The following XPO7 variants were observed in gnomAD, a reference collection of about 807,000 sequenced individuals.
The protein encoded by XPO7 is exportin 7, also known as exportin-7.
A neutral mutation model predicts 144.3 loss-of-function variants in XPO7; 21 were observed. The ratio of observed to expected loss-of-function variants is 0.15; its 90% confidence interval spans 0.10 to 0.21. The LOEUF is 0.21. XPO7 is among the 10% of genes least tolerant of loss of function. The pLI is 1.00. For synonymous variants in XPO7, 580 were observed against 499.6 expected (o/e 1.16, Z -2.15); for missense variants, 808 against 1,325.8 (o/e 0.61, Z 6.06).
At chr8:21,956,808 T>G (rs550350931) in intron 1 of XPO7, among the ~76,000 whole-genome samples, 1 of 152,270 alleles carries the variant, frequency 6.6e-6, no homozygotes, top group South Asian at 2.1e-4. Flanking sequence ...GTTTTCATCT[T>G]TTGTTTTTTG....
chr8:21,996,459 G>T (rs919955932), intron 21 of XPO7, among the ~76,000 whole-genome samples: 17 of 152,188 alleles, frequency 1.1e-4, no homozygotes, highest in Non-Finnish European at 1.2e-4. Flanking sequence ...ACTCTTAGGA[G>T]AAGTAAATTT....
At chr8:21,969,893 C>G (rs1051352890) in intron 3 of XPO7, 3 of 544,930 alleles carry the variant, frequency 5.5e-6, no homozygotes, top group South Asian at 2.6e-5. Context: ...CTTTAGCTAC[C>G]TAGGGATAGA....
At chr8:21,981,903 C>G in intron 10 of XPO7, 26 bp downstream of exon 10, 1 of 1,609,234 alleles carries the variant, frequency 6.2e-7, no homozygotes, top group Non-Finnish European at 8.5e-7. Context: ...CTTGTGTCTT[C>G]CTTCCTAAAT....
chr8:21,957,776 C>A (rs542073831), intron 1 of XPO7, among the ~76,000 whole-genome samples: 1 of 152,312 alleles, frequency 6.6e-6, no homozygotes, highest in East Asian at 1.9e-4. Flanking sequence ...CCAGTCCATG[C>A]ACTGTGCTCA....
chr8:21,957,909 C>G (rs1292209094), intron 1 of XPO7, among the ~76,000 whole-genome samples: 1 of 151,868 alleles, frequency 6.6e-6, no homozygotes, highest in Admixed American at 6.6e-5. Flanking sequence ...ATGTTTCTTG[C>G]AGTTTTGTGC....
In XPO7 at chr8:22,005,895, A is replaced by T. The variant is rs185027251; in HGVS notation, c.*807A>T. On this transcript the variant is annotated 3_prime_UTR_variant, in exon 28 of 28. Transcript: ENST00000252512. ...TTTGCTTACCCTCATCCTCAGACAG[A>T]TGCCTCTTGCTTTTAAAAGTTGGAT... The T allele has an allele frequency of 8.2e-4, 125 of 152,286 alleles. No individual in the cohort carries two copies. Among genetic ancestry groups the T allele is most frequent in the African/African-American group, 2.8e-3 (117 of 41,526 alleles). The allele number at this position is 152,286 out of a possible 1,614,324, so 9.4% of individuals were successfully genotyped here. A position where few individuals can be genotyped will look rare whatever the true frequency, so the allele number is the denominator to read the frequency against.
At chr8:22,001,698 A>G (rs1279236811) in intron 24 of XPO7, among the ~76,000 whole-genome samples, 1 of 152,194 alleles carries the variant, frequency 6.6e-6, no homozygotes, top group Non-Finnish European at 1.5e-5. Context: ...AGGCCGATAC[A>G]TAACCTCTCC....
rs955929122 is a variant in XPO7 at position 21,919,731 on chromosome 8, G to C, written c.-40G>C. 7.8e-5 allele frequency: 30 copies of C among 383,936 alleles called. No homozygotes were observed. The highest frequency in any genetic ancestry group is 2.6e-4 in the East Asian group (2 of 7,752). 23.8% of individuals were successfully genotyped at this position (383,936 alleles called of 1,614,324 possible). A position where few individuals can be genotyped will look rare whatever the true frequency, so the allele number is the denominator to read the frequency against. On this transcript the variant is annotated 5_prime_UTR_variant, in exon 1 of 28. Transcript: ENST00000252512. ...GCGGCTCCGGCCGAGGTGCGCGCTG[G>C]GGGGGAGGGGGGGCCGGAGAGGAGC...
At chr8:21,928,849 G>A (rs1168965570) in intron 1 of XPO7, among the ~76,000 whole-genome samples, 1 of 152,206 alleles carries the variant, frequency 6.6e-6, no homozygotes, top group Non-Finnish European at 1.5e-5. Flanking sequence ...ATTGGAACAT[G>A]CATTCATCTA....
intron 27 of XPO7, 121 bp downstream of exon 27, chr8:22,004,151 TG>T: frequency 7.4e-7 from 1 of 1,344,270 alleles, no homozygotes; most frequent in Non-Finnish European, 1.0e-6. Context: ...AGCAATGCAA[TG>T]CAATAGAAAA....
intron 7 of XPO7, among the ~76,000 whole-genome samples, chr8:21,977,011 C>T (rs992469289): frequency 3.9e-5 from 6 of 152,142 alleles, no homozygotes; most frequent in Admixed American, 3.9e-4. Flanking sequence ...TCTCATAGAT[C>T]CCCCAGTGTC....
At chr8:21,950,150 T>G (rs1232255329) in intron 1 of XPO7, among the ~76,000 whole-genome samples, 2 of 152,372 alleles carry the variant, frequency 1.3e-5, no homozygotes, top group Admixed American at 6.5e-5. Context: ...AGGTAAACAT[T>G]TAACGTATTG....
chr8:21,990,847 T>C lies in XPO7; in HGVS notation c.1969T>C (p.Ser657Pro). The change falls in exon 18 of 28, where the codon TCC becomes CCC. Residue 657 changes from serine (S) to proline (P), a missense_variant. Ser to Pro is a moderately conservative substitution (Grantham distance 74, BLOSUM62 -1). This residue lies in a region of XPO7 where 416 missense variants were observed against 612.5 expected (regional missense o/e 0.68). Coordinates refer to ENST00000252512, the MANE Select transcript of XPO7 (RefSeq NM_015024.5). The stretch of plus-strand genomic sequence containing the variant: ...TTCATTTTTGGGTATTAACAATCAG[T>C]CCAACCTGACAGACATGCGGTGTCG... ...HFSFLGINNQ[S>P]NLTDMRCRTT... 1.9e-6 allele frequency: 3 copies of C among 1,613,990 alleles called. No individual in the cohort carries two copies. Among genetic ancestry groups the C allele is most frequent in the Non-Finnish European group, 2.5e-6 (3 of 1,179,874 alleles).
chr8:21,949,292 G>A (rs56372765), intron 1 of XPO7, among the ~76,000 whole-genome samples: 12,152 of 152,172 alleles, frequency 0.08, 629 homozygotes, highest in Middle Eastern at 0.12. Context: ...TGGGGATTCC[G>A]TTATTGCTCT....
intron 1 of XPO7, among the ~76,000 whole-genome samples, chr8:21,944,428 G>A (rs774633263): frequency 2.0e-5 from 3 of 152,072 alleles, no homozygotes; most frequent in Non-Finnish European, 4.4e-5. Flanking sequence ...TTAGCCAGGC[G>A]TGGTGGTGCA....
intron 1 of XPO7, among the ~76,000 whole-genome samples, chr8:21,952,598 C>T (rs966601767): frequency 1.5e-4 from 23 of 152,072 alleles, no homozygotes; most frequent in Non-Finnish European, 1.3e-4. Context: ...TTTAACTAAT[C>T]GAAGGACTTT....
rs532923848 is a variant in XPO7, at chr8:21,989,231, A to G, written c.1868+148A>G. On this transcript the variant is annotated intron_variant, in intron 16 of 27. Transcript: ENST00000252512. ...TTCCTAGGAGTCCAAAAAAACGCCA[A>G]TGCCCATGCAGAATATAGGAATAAT... The G allele has an allele frequency of 1.3e-3, 956 of 740,854 alleles. 2 individuals carry two copies. The highest frequency in any genetic ancestry group is 1.8e-3 in the Non-Finnish European group (836 of 461,820). 45.9% of individuals were successfully genotyped at this position (740,854 alleles called of 1,614,324 possible). A position where few individuals can be genotyped will look rare whatever the true frequency, so the allele number is the denominator to read the frequency against.
At chr8:21,977,257 T>G (rs1812253526) in intron 7 of XPO7, among the ~76,000 whole-genome samples, 1 of 152,204 alleles carries the variant, frequency 6.6e-6, no homozygotes, top group East Asian at 1.9e-4. Flanking sequence ...AGAAATCTGT[T>G]TCTTAGAGAA....
chr8:21,990,925 G>A lies in XPO7; in HGVS notation c.2041+6G>A, dbSNP rs766981831. ...TCTCCTCATGGTGGATTTAGGTACC[G>A]TAAGAAATCGTAGTGGCTCATGAAG... On this transcript the variant is annotated splice_donor_region_variant and intron_variant, in intron 18 of 27. Coordinates refer to ENST00000252512, the MANE Select transcript of XPO7 (RefSeq NM_015024.5). The A allele has an allele frequency of 4.3e-6, 7 of 1,612,346 alleles. No homozygotes were observed. Among genetic ancestry groups the A allele is most frequent in the Admixed American group, 1.7e-5 (1 of 59,926 alleles).
Sources: gnomAD v4.1 joint callset for allele counts (sites outside exome capture counted in the v4.1 genomes callset) on GRCh38, gnomAD v4.1.1 for gene constraint, gnomAD v4.1.1 regional missense constraint, MANE v1.5 for transcripts, NCBI Gene and HGNC (gene_info 2026-07-23, HGNC 2026-07-21) for gene names.